The following KLF17 variants were observed in gnomAD, a reference collection of about 807,000 sequenced individuals.
KLF17 encodes Krueppel-like factor 17.
In KLF17, 31 loss-of-function variants were observed where a neutral mutation model predicts 34.2. The ratio of observed to expected loss-of-function variants is 0.91; its 90% CI spans 0.68 to 1.22. The LOEUF (loss-of-function observed/expected upper bound fraction) is 1.22, where lower values mean the gene tolerates loss of function less well. Among genes scored for constraint, KLF17 ranks in the 50% most tolerant of loss-of-function variants. KLF17 has a pLI of 0.00. For synonymous variants in KLF17, 179 were observed against 186.7 expected (o/e 0.96, Z 0.34); for missense variants, 478 against 505.2 (o/e 0.95, Z 0.52).
chr1:44,065,808 A>G, the KLF17 span, among the ~76,000 whole-genome samples: 1 of 152,268 alleles, frequency 6.6e-6, no homozygotes, highest in African/African-American at 2.4e-5. Context: ...TATAACATAT[A>G]TAATCAGCAA....
intron 1 of KLF17, among the ~76,000 whole-genome samples, chr1:44,127,063 G>GTTTT (rs71587040): frequency 1.6e-5 from 2 of 126,914 alleles, no homozygotes; most frequent in Non-Finnish European, 3.3e-5. Context: ...TGCCTGGCTT[G>GTTTT]TTTTTTTTTT....
the KLF17 span, among the ~76,000 whole-genome samples, chr1:44,061,715 C>T: frequency 3.3e-5 from 5 of 152,222 alleles, no homozygotes; most frequent in Admixed American, 6.5e-5. Context: ...GTAAGGAGTT[C>T]GAGACCAGCC....
At chr1:44,059,920 G>T in the KLF17 span, among the ~76,000 whole-genome samples, 1 of 152,070 alleles carries the variant, frequency 6.6e-6, no homozygotes, top group African/African-American at 2.4e-5. Context: ...TGCCTAATCT[G>T]GGAAGGTGGG....
chr1:44,100,568 AAG>A, the KLF17 span, among the ~76,000 whole-genome samples: 10 of 152,244 alleles, frequency 6.6e-5, no homozygotes, highest in African/African-American at 2.4e-4. Context: ...GAAAAAATAA[AAG>A]AACTAATTCG....
the KLF17 span, among the ~76,000 whole-genome samples, chr1:44,079,114 A>G: frequency 5.9e-4 from 90 of 152,102 alleles, no homozygotes; most frequent in African/African-American, 2.1e-3. Flanking sequence ...CTTTAATTAG[A>G]TGATCTCATA....
chr1:44,074,337 C>G, the KLF17 span, among the ~76,000 whole-genome samples: 1 of 152,162 alleles, frequency 6.6e-6, no homozygotes, highest in East Asian at 1.9e-4. Flanking sequence ...TCAACATCCC[C>G]TCTCCTCATC....
At chr1:44,052,210 C>T in the KLF17 span, 1 of 152,214 alleles carries the variant, frequency 6.6e-6, no homozygotes, top group Admixed American at 6.5e-5. Context: ...AGCTATTTCT[C>T]CCCTAGGGGA....
the KLF17 span, among the ~76,000 whole-genome samples, chr1:44,062,632 G>C: frequency 2.0e-5 from 3 of 151,106 alleles, no homozygotes; most frequent in East Asian, 1.9e-4. Flanking sequence ...GAGGTGATAC[G>C]AGGAGGCCAG....
chr1:44,073,655 C>T, the KLF17 span, among the ~76,000 whole-genome samples: 1 of 152,044 alleles, frequency 6.6e-6, no homozygotes, highest in South Asian at 2.1e-4. Context: ...GGAGGAGATC[C>T]ATTCCCCAAG....
chr1:44,084,050 T>G, the KLF17 span, among the ~76,000 whole-genome samples: 1 of 152,230 alleles, frequency 6.6e-6, no homozygotes, highest in African/African-American at 2.4e-5. Context: ...TCAGTAATGC[T>G]TTGTGAATAT....
At chr1:44,104,647 C>T in the KLF17 span, 1 of 498,038 alleles carries the variant, frequency 2.0e-6, no homozygotes, top group Admixed American at 3.1e-5. Context: ...TGCTGCTGCC[C>T]AGTAGGGAGA....
At chr1:44,081,960 G>A in the KLF17 span, among the ~76,000 whole-genome samples, 1 of 152,108 alleles carries the variant, frequency 6.6e-6, no homozygotes, top group Non-Finnish European at 1.5e-5. Context: ...GTTATTATAT[G>A]TGACATTACC....
the KLF17 span, among the ~76,000 whole-genome samples, chr1:44,093,447 T>G: frequency 6.6e-6 from 1 of 152,176 alleles, no homozygotes; most frequent in Non-Finnish European, 1.5e-5. Flanking sequence ...CAAGCTGGAG[T>G]GCAGTGGTGC....
At chr1:44,071,729 G>A in the KLF17 span, among the ~76,000 whole-genome samples, 81,117 of 151,858 alleles carry the variant, frequency 0.53, 22,013 homozygotes, top group East Asian at 0.64. Context: ...CCCATTTTCC[G>A]TGCTGAAGCC....
chr1:44,104,032 T>C, the KLF17 span: 2 of 865,694 alleles, frequency 2.3e-6, no homozygotes, highest in Non-Finnish European at 4.0e-6. Flanking sequence ...CTGTTGTCCA[T>C]GGACAGCACC....
At chr1:44,127,088 T>C (rs1470750503) in intron 1 of KLF17, among the ~76,000 whole-genome samples, 2 of 150,394 alleles carry the variant, frequency 1.3e-5, no homozygotes, top group East Asian at 3.9e-4. Context: ...TTTTAATTCT[T>C]TGTAGAGATG....
At chr1:44,087,271 T>G in the KLF17 span, among the ~76,000 whole-genome samples, 1 of 152,048 alleles carries the variant, frequency 6.6e-6, no homozygotes, top group African/African-American at 2.4e-5. Flanking sequence ...TTTGTTTATT[T>G]TGAGATAAGG....
intron 1 of KLF17, among the ~76,000 whole-genome samples, chr1:44,122,862 G>A (rs910932008): frequency 1.3e-5 from 2 of 152,034 alleles, no homozygotes; most frequent in Admixed American, 1.3e-4. Context: ...GCCTCCCAAA[G>A]TACTAGAATT....
the KLF17 span, among the ~76,000 whole-genome samples, chr1:44,060,073 C>A: frequency 1.3e-5 from 2 of 152,086 alleles, no homozygotes; most frequent in East Asian, 3.9e-4. Flanking sequence ...CCCCCAGGCT[C>A]ATTTTGTTTG....
Sources: allele counts gnomAD v4.1 joint callset (sites outside exome capture counted in the v4.1 genomes callset), GRCh38; gene constraint gnomAD v4.1.1; transcripts MANE v1.5; gene names NCBI Gene and HGNC (gene_info 2026-07-23, HGNC 2026-07-21).